CHCHD6: variants seen among roughly 807,000 people sequenced by gnomAD.
CHCHD6 encodes the protein MICOS complex subunit MIC25.
CHCHD6 carries 28 observed loss-of-function variants against 32.3 expected under a neutral mutation model. That is an observed-to-expected ratio of 0.87 (90% confidence interval 0.64 to 1.19). CHCHD6 has a LOEUF of 1.19. Ranked by LOEUF, CHCHD6 falls within the 50% of genes most tolerant of loss-of-function variation. The pLI, the probability that CHCHD6 is intolerant of heterozygous loss-of-function variation, is 0.00. For missense variants in CHCHD6, 333 were observed against 307.0 expected, an observed-to-expected ratio of 1.08 and a Z score of -0.63; for synonymous variants, 122 against 117.5, an observed-to-expected ratio of 1.04 and a Z score of -0.25.
At chr3:126,806,880 G>A (rs1939409833) in intron 4 of CHCHD6, among the ~76,000 whole-genome samples, 1 of 151,952 alleles carries the variant, frequency 6.6e-6, no homozygotes, top group Non-Finnish European at 1.5e-5. Flanking sequence ...AAAAAATGAT[G>A]AGTTCATGTC....
At chr3:126,743,789 C>T (rs996468198) in intron 4 of CHCHD6, among the ~76,000 whole-genome samples, 16 of 152,150 alleles carry the variant, frequency 1.1e-4, no homozygotes, top group Non-Finnish European at 2.1e-4. Flanking sequence ...TCCCTGACTT[C>T]CTACTTTGTT....
chr3:126,846,636 G>T (rs1941305382), intron 4 of CHCHD6, among the ~76,000 whole-genome samples: 1 of 152,212 alleles, frequency 6.6e-6, no homozygotes, highest in Non-Finnish European at 1.5e-5. Context: ...ATGGAGGCAA[G>T]ATAGTTTTAT....
At chr3:126,921,521 G>A (rs572119725) in intron 6 of CHCHD6, among the ~76,000 whole-genome samples, 10 of 152,158 alleles carry the variant, frequency 6.6e-5, no homozygotes, top group East Asian at 1.9e-4. Flanking sequence ...TCTGCTTCCC[G>A]TGGGATTCAT....
chr3:126,884,487 GGA>G (rs1424284095), intron 5 of CHCHD6, among the ~76,000 whole-genome samples: 2 of 152,024 alleles, frequency 1.3e-5, no homozygotes, highest in African/African-American at 4.8e-5. Context: ...TTCTAAAATT[GGA>G]AATTGGAATT....
intron 6 of CHCHD6, among the ~76,000 whole-genome samples, chr3:126,942,524 T>C (rs1049983828): frequency 2.6e-5 from 4 of 152,232 alleles, no homozygotes; most frequent in Non-Finnish European, 5.9e-5. Context: ...CTCATATTTA[T>C]TCATTGGGCT....
intron 4 of CHCHD6, among the ~76,000 whole-genome samples, chr3:126,826,677 TTATATA>T (rs535851368): frequency 2.6e-5 from 4 of 151,830 alleles, no homozygotes; most frequent in African/African-American, 4.8e-5. Context: ...ATGTAGGATC[TTATATA>T]TATATATCTA....
At chr3:126,906,801 G>A (rs899042553) in intron 5 of CHCHD6, among the ~76,000 whole-genome samples, 6 of 152,144 alleles carry the variant, frequency 3.9e-5, no homozygotes, top group East Asian at 3.9e-4. Flanking sequence ...GTCTGTTTGC[G>A]TTCATTATTC....
chr3:126,812,882 G>A (rs1939725616), intron 4 of CHCHD6, among the ~76,000 whole-genome samples: 1 of 152,120 alleles, frequency 6.6e-6, no homozygotes, highest in Non-Finnish European at 1.5e-5. Context: ...CTTCTTGCTG[G>A]AAGGGTTGGT....
intron 4 of CHCHD6, among the ~76,000 whole-genome samples, chr3:126,795,691 A>T (rs1342601468): frequency 6.6e-6 from 1 of 152,168 alleles, no homozygotes. Flanking sequence ...GGTAACTCGT[A>T]TCCCTTGAAG....
At chr3:126,820,865 T>G (rs574763853) in intron 4 of CHCHD6, among the ~76,000 whole-genome samples, 1 of 152,214 alleles carries the variant, frequency 6.6e-6, no homozygotes, top group African/African-American at 2.4e-5. Context: ...TGCAGTGTAC[T>G]GTTCATTGTT....
At chr3:126,765,217 C>T (rs886699207) in intron 4 of CHCHD6, among the ~76,000 whole-genome samples, 1 of 152,206 alleles carries the variant, frequency 6.6e-6, no homozygotes, top group Non-Finnish European at 1.5e-5. Flanking sequence ...CTCATCTCCC[C>T]CATAAGCACC....
At chr3:126,840,544 G>A (rs1941031730) in intron 4 of CHCHD6, among the ~76,000 whole-genome samples, 1 of 152,144 alleles carries the variant, frequency 6.6e-6, no homozygotes, top group Admixed American at 6.5e-5. Flanking sequence ...GGCACCTCAG[G>A]ATCAGTTCCA....
intron 4 of CHCHD6, among the ~76,000 whole-genome samples, chr3:126,786,179 A>G (rs191607646): frequency 6.6e-6 from 1 of 152,222 alleles, no homozygotes; most frequent in African/African-American, 2.4e-5. Flanking sequence ...ATGGCTGCAT[A>G]GTATTCCATG....
intron 4 of CHCHD6, among the ~76,000 whole-genome samples, chr3:126,783,947 G>A (rs1938075298): frequency 6.6e-6 from 1 of 152,136 alleles, no homozygotes; most frequent in African/African-American, 2.4e-5. Context: ...ACTTTTGGGG[G>A]AGGGTAAGAG....
At chr3:126,850,161 G>A (rs1292544199) in intron 4 of CHCHD6, among the ~76,000 whole-genome samples, 1 of 152,248 alleles carries the variant, frequency 6.6e-6, no homozygotes, top group Non-Finnish European at 1.5e-5. Flanking sequence ...CAGTGGGCAG[G>A]GCTTTGTAGC....
intron 6 of CHCHD6, among the ~76,000 whole-genome samples, chr3:126,926,746 C>G (rs1050181693): frequency 6.6e-6 from 1 of 152,088 alleles, no homozygotes; most frequent in Non-Finnish European, 1.5e-5. Context: ...ATAAAAAAGG[C>G]TTTTAAGCAG....
chr3:126,749,046 CAA>C (rs1559821250), intron 4 of CHCHD6, among the ~76,000 whole-genome samples: 6 of 152,054 alleles, frequency 3.9e-5, no homozygotes. Flanking sequence ...GGGAAGGAGA[CAA>C]AGAATGAGGA....
intron 4 of CHCHD6, among the ~76,000 whole-genome samples, chr3:126,806,289 C>A (rs570920328): frequency 6.6e-6 from 1 of 152,036 alleles, no homozygotes; most frequent in Non-Finnish European, 1.5e-5. Context: ...AGAAAATTTT[C>A]GCACCCTACT....
At chr3:126,929,635 G>T (rs547071218) in intron 6 of CHCHD6, among the ~76,000 whole-genome samples, 1 of 151,862 alleles carries the variant, frequency 6.6e-6, no homozygotes, top group Non-Finnish European at 1.5e-5. Context: ...GCACAATCTC[G>T]GCTCACTGCA....
Sources: gnomAD v4.1 joint callset for allele counts (sites outside exome capture counted in the v4.1 genomes callset) on GRCh38, gnomAD v4.1.1 for gene constraint, MANE v1.5 for transcripts, NCBI Gene and HGNC (gene_info 2026-07-23, HGNC 2026-07-21) for gene names.